The following TP53I11 variants were observed in gnomAD, a reference collection of about 807,000 sequenced individuals.
TP53I11 encodes tumor protein p53 inducible protein 11, also known as tumor protein p53-inducible protein 11.
Under a neutral mutation model 23.3 loss-of-function variants are expected in TP53I11, and 9 were observed. That is an observed-to-expected ratio of 0.39 (90% confidence interval 0.23 to 0.67). TP53I11 has a LOEUF of 0.67. TP53I11 is among the 30% of genes least tolerant of loss of function. The pLI, the probability that TP53I11 is intolerant of heterozygous loss-of-function variation, is 0.48. For missense variants in TP53I11, 170 were observed against 255.2 expected (o/e 0.67, Z 2.27); for synonymous variants, 100 against 106.1 (o/e 0.94, Z 0.35).
intron 1 of TP53I11, among the ~76,000 whole-genome samples, chr11:44,939,739 A>T (rs1459494767): frequency 6.6e-6 from 1 of 152,236 alleles, no homozygotes; most frequent in East Asian, 1.9e-4. Context: ...TGGGAAAAAA[A>T]ACTGCAAAAG....
chr11:44,935,738 G>T, intron 5 of TP53I11, 76 bp from the exon 6 acceptor site: 1 of 1,025,048 alleles, frequency 9.8e-7, no homozygotes, highest in Non-Finnish European at 1.5e-6. Flanking sequence ...GACTGCTCCT[G>T]CTTCCTCTGG....
rs1288641023 is a variant in TP53I11 at position 44,945,480 on chromosome 11, G to A, written c.-32+5197C>T. Among the ~76,000 whole-genome samples, 7 of 152,156 alleles carry A rather than the reference G, an allele frequency of 4.6e-5. No individual in the cohort carries two copies. In the Middle Eastern group the frequency reaches 0.014, roughly 298 times the overall value. On this transcript the variant is annotated intron_variant, in intron 1 of 6. Transcript: ENST00000525680. ...AGAAGCTGATGTGTGTGTGCAATGT[G>A]TGCGGTGGTGGGGGTGGGGGGGCGT...
chr11:44,936,395 G>A lies in TP53I11; in HGVS notation c.334+408C>T, dbSNP rs1440843124. ...TGCATCTCAGGTTAGAGAGGAAACAGAAGTGGTTCAAACAGAAGTGGCTCT... is the reference window on the plus strand; with the variant it reads ...TGCATCTCAGGTTAGAGAGGAAACAAAAGTGGTTCAAACAGAAGTGGCTCT... On this transcript the variant is annotated intron_variant, in intron 5 of 6. Transcript: ENST00000525680. This position sits in a 1 kb window ranked among gnomAD's most constrained non-coding sequence, Gnocchi z 4.4. 1.6e-6 allele frequency: 2 copies of A among 1,231,814 alleles called. No individual in the cohort carries two copies. Among genetic ancestry groups the A allele is most frequent in the African/African-American group, 3.1e-5 (2 of 64,388 alleles). 76.3% of individuals were successfully genotyped at this position (1,231,814 alleles called of 1,614,324 possible). A position where few individuals can be genotyped will look rare whatever the true frequency, so the allele number is the denominator to read the frequency against.
At chr11:44,938,444 A>AGGCCACACCCCAC in intron 1 of TP53I11, 78 bp from the exon 2 acceptor site, 1 of 1,419,640 alleles carries the variant, frequency 7.0e-7, no homozygotes, top group Non-Finnish European at 9.2e-7. Context: ...GACTAGCGGA[A>AGGCCACACCCCAC]GGCCACACCC....
At chr11:44,947,305 G>C (rs1862482355) in intron 1 of TP53I11, 19 of 361,494 alleles carry the variant, frequency 5.3e-5, no homozygotes, top group South Asian at 3.7e-4. Flanking sequence ...GGGCCCTCAA[G>C]GGCAGCTGGT....
chr11:44,948,800 C>A (rs570363592), intron 1 of TP53I11, among the ~76,000 whole-genome samples: 1 of 152,310 alleles, frequency 6.6e-6, no homozygotes, highest in East Asian at 1.9e-4. Flanking sequence ...CCCCCTCCTC[C>A]CCCATACCCC....
At chr11:44,937,668 C>G (rs560664060) in intron 2 of TP53I11, 55 bp from the exon 3 acceptor site, 2 of 1,570,252 alleles carry the variant, frequency 1.3e-6, no homozygotes, top group Admixed American at 1.7e-5. Context: ...TCAGCGCCCC[C>G]ACTCGCTCAT....
At chr11:44,944,768 A>T in intron 1 of TP53I11, among the ~76,000 whole-genome samples, 1 of 152,316 alleles carries the variant, frequency 6.6e-6, no homozygotes, top group South Asian at 2.1e-4. Flanking sequence ...GTGTGATGAT[A>T]AGAAAGTGCA....
At chr11:44,947,132 G>A (rs1186767704) in intron 1 of TP53I11, 1 of 456,040 alleles carries the variant, frequency 2.2e-6, no homozygotes, top group South Asian at 1.5e-5. Context: ...TGCTGCTGTG[G>A]GCAAGGGGAT....
intron 1 of TP53I11, among the ~76,000 whole-genome samples, chr11:44,946,175 A>C (rs1187915157): frequency 6.6e-6 from 1 of 152,182 alleles, no homozygotes; most frequent in African/African-American, 2.4e-5. Flanking sequence ...CATGGGACAC[A>C]AAAGAGGCTT....
At chr11:44,945,664 C>T (rs1310237496) in intron 1 of TP53I11, among the ~76,000 whole-genome samples, 1 of 152,058 alleles carries the variant, frequency 6.6e-6, no homozygotes, top group African/African-American at 2.4e-5. Context: ...TGCAGGGAGA[C>T]CCATTGTTCT....
intron 1 of TP53I11, among the ~76,000 whole-genome samples, chr11:44,944,721 G>GACT (rs1281876702): frequency 6.6e-6 from 1 of 152,154 alleles, no homozygotes; most frequent in East Asian, 1.9e-4. Flanking sequence ...TGTGAAACCA[G>GACT]ACTACTACTT....
chr11:44,948,882 A>C (rs1862641062), intron 1 of TP53I11, among the ~76,000 whole-genome samples: 1 of 152,236 alleles, frequency 6.6e-6, no homozygotes, highest in South Asian at 2.1e-4. Flanking sequence ...TGTGAGCTGG[A>C]GAAGCCACAA....
Position 44,935,578 on chromosome 11 carries a change from A to T in TP53I11, c.419T>A (p.Phe140Tyr). 1 of 1,614,032 alleles carries T rather than the reference A, an allele frequency of 6.2e-7. No individual in the cohort carries two copies. The highest frequency in any genetic ancestry group is 2.2e-5 in the East Asian group (1 of 44,874). ...RWTLLTEACYFGVQFLVVTAT... is the reference protein window; with the variant it reads ...RWTLLTEACYYGVQFLVVTAT... Reference sequence around the variant, plus strand: ...GGACTCACCCAAGAACTGGACCCCGAAATAGCAAGCTTCGGTGAGCAGGGT... The same window carrying T: ...GGACTCACCCAAGAACTGGACCCCGTAATAGCAAGCTTCGGTGAGCAGGGT... The change falls in exon 6 of 7, where the codon TTC becomes TAC. Residue 140 changes from phenylalanine (F) to tyrosine (Y), a missense_variant. Transcript: ENST00000525680.
intron 1 of TP53I11, among the ~76,000 whole-genome samples, chr11:44,942,348 C>A (rs1197659531): frequency 2.0e-5 from 3 of 148,648 alleles, no homozygotes; most frequent in African/African-American, 7.4e-5. Flanking sequence ...CACACACACA[C>A]CCCCACAACA....
In TP53I11 at chr11:44,938,210, G is replaced by A. The variant is rs768917334; in HGVS notation, c.126C>T (p.Ser42=). The change falls in exon 2 of 7, where the codon TCC becomes TCT. Residue 42 remains serine, a synonymous_variant. Transcript: ENST00000525680. ...GEDDDGEVHR[S]KISQVLGNEI... The stretch of plus-strand genomic sequence containing the variant: ...AGGCCCCTGCTCTGCACCCCACCTT[G>A]GAGCGATGCACCTCCCCGTCGTCAT... 15 of 1,612,402 alleles carry A rather than the reference G, an allele frequency of 9.3e-6. No individual in the cohort carries two copies. The highest frequency in any genetic ancestry group is 1.3e-5 in the Non-Finnish European group (15 of 1,179,568).
In TP53I11 at chr11:44,938,023, C is replaced by A. The variant is rs185845114; in HGVS notation, c.129+184G>T. Among the ~76,000 whole-genome samples the A allele has an allele frequency of 9.3e-4, 142 of 152,312 alleles. 1 individual carries two copies. The highest frequency in any genetic ancestry group is 3.3e-3 in the African/African-American group (137 of 41,570). ...AAAAAGCAACTGCTGGAAAACCGGGCACGTAATAGGCACTTAATTCTAATG... is the reference window on the plus strand; with the variant it reads ...AAAAAGCAACTGCTGGAAAACCGGGAACGTAATAGGCACTTAATTCTAATG... On this transcript the variant is annotated intron_variant, in intron 2 of 6. Coordinates refer to ENST00000525680, the MANE Select transcript of TP53I11 (RefSeq NM_006034.5).
intron 1 of TP53I11, among the ~76,000 whole-genome samples, chr11:44,945,837 TAGA>T (rs1267430890): frequency 6.6e-6 from 1 of 152,100 alleles, no homozygotes; most frequent in Admixed American, 6.5e-5. Context: ...CGGGACGGAA[TAGA>T]AGGTCCAGAG....
At chr11:44,949,645 C>T (rs981045503) in intron 1 of TP53I11, among the ~76,000 whole-genome samples, 31 of 152,090 alleles carry the variant, frequency 2.0e-4, no homozygotes, top group Admixed American at 1.8e-3. Flanking sequence ...CCGCCCCGCC[C>T]AGCGGGGCGC....
Sources: allele counts gnomAD v4.1 joint callset (sites outside exome capture counted in the v4.1 genomes callset), GRCh38; gene constraint gnomAD v4.1.1; non-coding constraint Gnocchi (gnomAD v3.1); transcripts MANE v1.5; gene names NCBI Gene and HGNC (gene_info 2026-07-23, HGNC 2026-07-21).